The following KCNQ5 variants were observed in gnomAD, a reference collection of about 807,000 sequenced individuals.
KCNQ5 encodes the protein potassium voltage-gated channel subfamily Q member 5, also known as potassium voltage-gated channel subfamily KQT member 5.
KCNQ5 carries 30 observed loss-of-function variants against 98.2 expected under a neutral mutation model. The observed-to-expected ratio is 0.31, with a 90% CI of 0.23 to 0.41. KCNQ5 has a LOEUF of 0.41. Among genes scored for constraint, KCNQ5 ranks in the 10% least tolerant of loss-of-function variants. The probability of loss-of-function intolerance (pLI) is 1.00; values close to 1 mark genes in which losing one functional copy is unlikely to be tolerated. For missense variants in KCNQ5, 835 were observed against 1,182.5 expected (o/e 0.71, Z 4.31); for synonymous variants, 458 against 449.4 (o/e 1.02, Z -0.24).
intron 2 of KCNQ5, among the ~76,000 whole-genome samples, chr6:73,010,146 TTA>T (rs1036063928): frequency 5.3e-5 from 8 of 152,074 alleles, no homozygotes; most frequent in African/African-American, 1.9e-4. Flanking sequence ...ATTAAGAGGA[TTA>T]TACACCTTGG....
Position 73,195,088 on chromosome 6 carries a change from G to A in KCNQ5, c.2473G>A (p.Asp825Asn). Residue 825 changes from aspartate to asparagine, a missense_variant, in exon 14 of 14, where the codon GAC (aspartate) becomes AAC (asparagine). This residue lies in a region of KCNQ5 where 416 missense variants were observed against 446.9 expected (regional missense o/e 0.93). Coordinates refer to ENST00000370398, the MANE Select transcript of KCNQ5 (RefSeq NM_019842.4). ...LLSVCPMVPK[D>N]LGKSLSVQNL... Reference sequence around the variant, plus strand: ...GTCTGTCTGTCCCATGGTGCCGAAGGACTTGGGCAAATCTTTGTCTGTGCA... The same window carrying A: ...GTCTGTCTGTCCCATGGTGCCGAAGAACTTGGGCAAATCTTTGTCTGTGCA... 6.2e-7 allele frequency: 1 copy of A among 1,614,192 alleles called. No homozygotes were observed. The highest frequency in any genetic ancestry group is 8.5e-7 in the Non-Finnish European group (1 of 1,180,034).
chr6:72,910,561 GGGGTGTGTGTGTGTGT>G (rs1320415467), intron 1 of KCNQ5, among the ~76,000 whole-genome samples: 7 of 102,886 alleles, frequency 6.8e-5, no homozygotes, highest in East Asian at 2.5e-4. Context: ...GAAAGGTAGG[GGGGTGTGTGTGTGTGT>G]GTGTGTGTGT....
chr6:73,183,494 A>T (rs931856714), intron 11 of KCNQ5, among the ~76,000 whole-genome samples: 1 of 152,176 alleles, frequency 6.6e-6, no homozygotes, highest in Admixed American at 6.5e-5. Flanking sequence ...TATCCCCGCC[A>T]TCCAGCTCTG....
rs749719396 is a variant in KCNQ5 at position 72,859,579 on chromosome 6, C to CT, written c.399-144320dup. Among the ~76,000 whole-genome samples, 257 of 149,646 alleles carry CT rather than the reference C, an allele frequency of 1.7e-3. 1 individual carries two copies. The highest frequency in any genetic ancestry group is 2.7e-3 in the Admixed American group (40 of 14,734). Reference sequence around the variant, plus strand: ...GCCTGCTTCCCTCACTTATTCCAGACTTTTTTTTTCTTTTGGAGCCAGGGT... The same window carrying CT: ...GCCTGCTTCCCTCACTTATTCCAGACTTTTTTTTTTCTTTTGGAGCCAGGGT... On this transcript the variant is annotated intron_variant, in intron 1 of 13. Coordinates refer to ENST00000370398, the MANE Select transcript of KCNQ5 (RefSeq NM_019842.4).
intron 1 of KCNQ5, among the ~76,000 whole-genome samples, chr6:72,727,032 A>G (rs1362284248): frequency 6.6e-6 from 1 of 152,254 alleles, no homozygotes; most frequent in Non-Finnish European, 1.5e-5. Context: ...TTGTTGAAAT[A>G]TAAGTCAGTT....
intron 3 of KCNQ5, chr6:73,043,154 G>A (rs939227033): frequency 6.6e-6 from 3 of 454,704 alleles, no homozygotes; most frequent in African/African-American, 6.0e-5. Flanking sequence ...AAGGAAGAAA[G>A]TGTATCACCA....
At chr6:72,696,728 G>T (rs1768526074) in intron 1 of KCNQ5, among the ~76,000 whole-genome samples, 1 of 151,964 alleles carries the variant, frequency 6.6e-6, no homozygotes, top group South Asian at 2.1e-4. Flanking sequence ...TTAAATAGAG[G>T]CATACTTGGA....
At chr6:72,833,426 G>T (rs1776369306) in intron 1 of KCNQ5, among the ~76,000 whole-genome samples, 1 of 152,090 alleles carries the variant, frequency 6.6e-6, no homozygotes, top group Non-Finnish European at 1.5e-5. Context: ...TTATCATATT[G>T]TATACTTTGA....
chr6:73,035,985 T>TTGTC (rs1465231683), intron 2 of KCNQ5, among the ~76,000 whole-genome samples: 2 of 140,444 alleles, frequency 1.4e-5, no homozygotes, highest in East Asian at 4.2e-4. Context: ...TTGAATACAT[T>TTGTC]TGTGTGTGTG....
intron 1 of KCNQ5, among the ~76,000 whole-genome samples, chr6:72,920,106 A>G (rs1042523411): frequency 2.0e-5 from 3 of 152,134 alleles, no homozygotes; most frequent in Admixed American, 1.3e-4. Flanking sequence ...GTTTGAGACC[A>G]GCCTGGCCAG....
chr6:72,676,894 C>T (rs1343302400), intron 1 of KCNQ5, among the ~76,000 whole-genome samples: 6 of 151,858 alleles, frequency 4.0e-5, no homozygotes, highest in Admixed American at 3.9e-4. Context: ...TTTTGGATAA[C>T]AGGAGTCTTT....
chr6:73,101,170 CA>C (rs1276366950), intron 5 of KCNQ5, among the ~76,000 whole-genome samples: 1 of 152,082 alleles, frequency 6.6e-6, no homozygotes, highest in East Asian at 1.9e-4. Flanking sequence ...CAAAACCAGA[CA>C]AAAAATGCAT....
chr6:72,984,292 G>T (rs971863993), intron 1 of KCNQ5, among the ~76,000 whole-genome samples: 2 of 152,200 alleles, frequency 1.3e-5, no homozygotes, highest in Non-Finnish European at 2.9e-5. Flanking sequence ...GCTGCCCTTT[G>T]TTCAGCTATG....
chr6:72,848,473 A>G (rs1777107631), intron 1 of KCNQ5, among the ~76,000 whole-genome samples: 1 of 152,218 alleles, frequency 6.6e-6, no homozygotes, highest in South Asian at 2.1e-4. Context: ...TGGTTCATTA[A>G]TAACAAATAT....
intron 1 of KCNQ5, among the ~76,000 whole-genome samples, chr6:72,914,850 C>G (rs1198902911): frequency 6.6e-6 from 1 of 151,666 alleles, no homozygotes; most frequent in Non-Finnish European, 1.5e-5. Context: ...TGTATTATAC[C>G]TGGGGTGGAG....
rs551133949 is a variant in KCNQ5, at chr6:73,111,685, G to A, written c.1125+282G>A. Among the ~76,000 whole-genome samples, 11 of 152,262 alleles carry A rather than the reference G, an allele frequency of 7.2e-5. No individual in the cohort carries two copies. The South Asian group carries it at 2.1e-3, about 29-fold the overall frequency. On this transcript the variant is annotated intron_variant, in intron 7 of 13. Coordinates refer to ENST00000370398, the MANE Select transcript of KCNQ5 (RefSeq NM_019842.4). ...GCAAAGGTTAGCAGTTGTGTGGCTC[G>A]TGGAATTATCTAATATGTCTTATGA...
At chr6:73,128,976 G>A (rs1399719615) in intron 9 of KCNQ5, among the ~76,000 whole-genome samples, 1 of 152,130 alleles carries the variant, frequency 6.6e-6, no homozygotes, top group Admixed American at 6.5e-5. Flanking sequence ...GAACCCTGGT[G>A]GAAGACTGTG....
At chr6:72,681,026 G>A (rs1216051583) in intron 1 of KCNQ5, among the ~76,000 whole-genome samples, 1 of 152,178 alleles carries the variant, frequency 6.6e-6, no homozygotes, top group Non-Finnish European at 1.5e-5. Flanking sequence ...GTATACCAAA[G>A]CACTTGAGTA....
At chr6:72,791,683 G>C (rs1363229845) in intron 1 of KCNQ5, among the ~76,000 whole-genome samples, 2 of 152,170 alleles carry the variant, frequency 1.3e-5, no homozygotes, top group Non-Finnish European at 1.5e-5. Flanking sequence ...GTGACGTATA[G>C]AGAACAGAAA....
Sources: gnomAD v4.1 joint callset for allele counts (sites outside exome capture counted in the v4.1 genomes callset) on GRCh38, gnomAD v4.1.1 for gene constraint, gnomAD v4.1.1 regional missense constraint, MANE v1.5 for transcripts, NCBI Gene and HGNC (gene_info 2026-07-23, HGNC 2026-07-21) for gene names.